Variants in C10orf90 observed in about 807,000 individuals in gnomAD.
The protein encoded by C10orf90 is chromosome 10 open reading frame 90.
A neutral mutation model predicts 62.5 loss-of-function variants in C10orf90; 56 were observed. That is an observed-to-expected ratio of 0.90 (90% CI 0.72 to 1.12). The LOEUF (loss-of-function observed/expected upper bound fraction) is 1.12, where lower values mean the gene tolerates loss of function less well. Among genes scored for constraint, C10orf90 ranks in the 50% most tolerant of loss-of-function variants. The pLI is 0.00. For missense variants in C10orf90, 970 were observed against 880.4 expected (o/e 1.10, Z -1.29); for synonymous variants, 386 against 340.4 (o/e 1.13, Z -1.47).
chr10:126,535,862 G>A (rs962873254), intron 2 of C10orf90, among the ~76,000 whole-genome samples: 1 of 152,120 alleles, frequency 6.6e-6, no homozygotes, highest in Non-Finnish European at 1.5e-5. Context: ...TCAGGCCCAC[G>A]CTAGGAGTGC....
intron 1 of C10orf90, among the ~76,000 whole-genome samples, chr10:126,657,630 T>C (rs2133866888): frequency 6.6e-6 from 1 of 151,954 alleles, no homozygotes; most frequent in African/African-American, 2.4e-5. Context: ...CTTTTTTTTT[T>C]TTGAGACAGA....
chr10:126,667,683 C>T (rs532183194), intron 1 of C10orf90, among the ~76,000 whole-genome samples: 7 of 152,256 alleles, frequency 4.6e-5, no homozygotes, highest in African/African-American at 7.2e-5. Flanking sequence ...GGCAAAACCA[C>T]GCAAGCTCTG....
intron 2 of C10orf90, among the ~76,000 whole-genome samples, chr10:126,624,172 C>T (rs1845699923): frequency 6.6e-6 from 1 of 152,106 alleles, no homozygotes; most frequent in Admixed American, 6.5e-5. Flanking sequence ...ATGGTGAAAC[C>T]CTGTCTCTAC....
chr10:126,657,608 C>CTT (rs71488508), intron 1 of C10orf90, among the ~76,000 whole-genome samples: 148 of 141,522 alleles, frequency 1.0e-3, no homozygotes, highest in Non-Finnish European at 1.7e-3. Flanking sequence ...AATACTTTGT[C>CTT]TTTTTTTTTT....
chr10:126,490,889 G>T (rs548378779), intron 4 of C10orf90, among the ~76,000 whole-genome samples: 1 of 150,176 alleles, frequency 6.7e-6, no homozygotes, highest in African/African-American at 2.4e-5. Context: ...GAAAAAGTAC[G>T]TAAAAAAATT....
chr10:126,534,234 T>A (rs906446181), intron 2 of C10orf90, among the ~76,000 whole-genome samples: 1 of 152,214 alleles, frequency 6.6e-6, no homozygotes, highest in African/African-American at 2.4e-5. Flanking sequence ...CTTACCTGCT[T>A]GTGCCAAACT....
At chr10:126,557,138 A>G (rs1249762287) in intron 2 of C10orf90, among the ~76,000 whole-genome samples, 1 of 152,074 alleles carries the variant, frequency 6.6e-6, no homozygotes, top group Non-Finnish European at 1.5e-5. Context: ...TAGTCAAGAC[A>G]TATGGATGTA....
chr10:126,543,646 T>C (rs919185751), intron 2 of C10orf90, among the ~76,000 whole-genome samples: 12 of 152,214 alleles, frequency 7.9e-5, no homozygotes, highest in Non-Finnish European at 1.8e-4. Context: ...AAACAGCTAA[T>C]ATGCTTTTGC....
intron 4 of C10orf90, chr10:126,502,741 G>A (rs375790732): frequency 9.1e-5 from 45 of 495,818 alleles, no homozygotes; most frequent in African/African-American, 3.2e-4. Context: ...TAAGGAAGAC[G>A]AAGTGCTTAG....
intron 2 of C10orf90, among the ~76,000 whole-genome samples, chr10:126,565,257 A>G (rs1844336971): frequency 4.2e-5 from 1 of 23,848 alleles, no homozygotes; most frequent in Non-Finnish European, 6.7e-5. Context: ...TTATTATATT[A>G]TATATTTATA....
intron 2 of C10orf90, among the ~76,000 whole-genome samples, chr10:126,646,074 C>T (rs1483962204): frequency 6.6e-6 from 1 of 152,146 alleles, no homozygotes; most frequent in East Asian, 1.9e-4. Context: ...AGCTGGTTTT[C>T]ACATCATTTA....
At chr10:126,585,767 C>T (rs979664216) in intron 2 of C10orf90, among the ~76,000 whole-genome samples, 1 of 152,128 alleles carries the variant, frequency 6.6e-6, no homozygotes, top group Non-Finnish European at 1.5e-5. Flanking sequence ...CGCTTTCAGT[C>T]CCGGGTTAAT....
chr10:126,644,107 C>T (rs1846117790), intron 2 of C10orf90, among the ~76,000 whole-genome samples: 1 of 152,238 alleles, frequency 6.6e-6, no homozygotes, highest in Non-Finnish European at 1.5e-5. Flanking sequence ...GAGAATCCTG[C>T]TAAGCCAGTT....
chr10:126,516,338 G>A (rs1863437641), intron 2 of C10orf90, among the ~76,000 whole-genome samples: 1 of 152,178 alleles, frequency 6.6e-6, no homozygotes, highest in Admixed American at 6.5e-5. Context: ...CAGGATCAAG[G>A]CAGCCCTCCC....
At chr10:126,503,661 T>C (rs1012189807) in intron 4 of C10orf90, among the ~76,000 whole-genome samples, 5 of 152,220 alleles carry the variant, frequency 3.3e-5, no homozygotes, top group African/African-American at 4.8e-5. Flanking sequence ...GGGCATGTTG[T>C]AAATTAACTT....
At chr10:126,637,220 G>A (rs1212072359) in intron 2 of C10orf90, among the ~76,000 whole-genome samples, 6 of 152,178 alleles carry the variant, frequency 3.9e-5, no homozygotes, top group African/African-American at 1.4e-4. Context: ...GAGGAGGGCA[G>A]ATTGATTCAG....
Position 126,589,371 on chromosome 10 carries a change from C to A in C10orf90, c.313+57194G>T, listed in dbSNP as rs897352599. ...AAATCCAGACAACCCCACTAAGATA[C>A]TCCATGAGAAGATCAACCCCAAGAC... On this transcript the variant is annotated intron_variant, in intron 2 of 9. Transcript: ENST00000488181. 3.9e-5 allele frequency among the ~76,000 whole-genome samples: 6 copies of A among 152,226 alleles called. No homozygotes were observed. The South Asian group carries it at 6.2e-4, about 16-fold the overall frequency.
chr10:126,572,324 G>A (rs940079507), intron 2 of C10orf90, among the ~76,000 whole-genome samples: 1 of 152,094 alleles, frequency 6.6e-6, no homozygotes, highest in African/African-American at 2.4e-5. Flanking sequence ...CTTGCATCTT[G>A]CGCAAGTAAG....
chr10:126,556,767 T>C (rs556935241), intron 2 of C10orf90, among the ~76,000 whole-genome samples: 115 of 152,078 alleles, frequency 7.6e-4, no homozygotes, highest in African/African-American at 2.6e-3. Context: ...TCTGATCTGT[T>C]TTGTGGTCTC....
Sources: gnomAD v4.1 joint callset for allele counts (sites outside exome capture counted in the v4.1 genomes callset) on GRCh38, gnomAD v4.1.1 for gene constraint, MANE v1.5 for transcripts, NCBI Gene and HGNC (gene_info 2026-07-23, HGNC 2026-07-21) for gene names.